The following UCP2 variants were observed in gnomAD, a reference collection of about 807,000 sequenced individuals.
UCP2 encodes the protein dicarboxylate carrier SLC25A8.
Under a neutral mutation model 31.3 loss-of-function variants are expected in UCP2, and 27 were observed. The ratio of observed to expected loss-of-function variants is 0.86; its 90% CI spans 0.64 to 1.19. UCP2 has a LOEUF of 1.19. Ranked by LOEUF, UCP2 falls within the 50% of genes most tolerant of loss-of-function variation. The pLI, the probability that UCP2 is intolerant of heterozygous loss-of-function variation, is 0.00. For missense variants in UCP2, 377 were observed against 413.5 expected (o/e 0.91, Z 0.76); for synonymous variants, 142 against 157.4 (o/e 0.90, Z 0.73).
rs1171418635 is a variant in UCP2, at chr11:73,974,738, T to C, written c.*269A>G. 4.6e-6 allele frequency: 2 copies of C among 432,504 alleles called. No individual in the cohort carries two copies. Among genetic ancestry groups the C allele is most frequent in the African/African-American group, 4.0e-5 (2 of 49,536 alleles). The allele number at this position is 432,504 out of a possible 1,614,324, so 26.8% of individuals were successfully genotyped here. On this transcript the variant is annotated 3_prime_UTR_variant, in exon 8 of 8. Transcript: ENST00000663595. ...GGGCTGTCGGGGGCAGGACGAAGAT[T>C]CTGGCTGAACTTTCCAAGGGACGGG...
At chr11:73,979,217 A>G (rs1382619896) in intron 2 of UCP2, among the ~76,000 whole-genome samples, 4 of 152,180 alleles carry the variant, frequency 2.6e-5, no homozygotes, top group Non-Finnish European at 5.9e-5. Flanking sequence ...GGAACAACTA[A>G]TGCCATTGGG....
In UCP2 at chr11:73,975,103, G is replaced by A. The variant is rs868365219; in HGVS notation, c.834C>T (p.Leu278=). 6.2e-7 allele frequency: 1 copy of A among 1,613,114 alleles called. No homozygotes were observed. The highest frequency in any genetic ancestry group is 1.1e-5 in the South Asian group (1 of 90,912). The change falls in exon 8 of 8, where the codon CTC becomes CTT. Residue 278 remains leucine (L), a synonymous_variant. Coordinates refer to ENST00000663595, the MANE Select transcript of UCP2 (RefSeq NM_003355.3). The stretch of plus-strand genomic sequence containing the variant: ...TCACCACGTTCCAGGAACCCAAGCG[G>A]AGAAAGGAGGGCATGAACCTAGAGG... The part of the protein sequence containing the change: ...AFYKGFMPSF[L]RLGSWNVVMF...
In UCP2 at chr11:73,974,960, C is replaced by A. The variant is rs374099254; in HGVS notation, c.*47G>T. 14 of 1,263,064 alleles carry A rather than the reference C, an allele frequency of 1.1e-5. No individual in the cohort carries two copies. The East Asian group carries it at 3.0e-4, about 27-fold the overall frequency. The allele number at this position is 1,263,064 out of a possible 1,614,324, so 78.2% of individuals were successfully genotyped here. A position where few individuals can be genotyped will look rare whatever the true frequency, so the allele number is the denominator to read the frequency against. On this transcript the variant is annotated 3_prime_UTR_variant, in exon 8 of 8. Coordinates refer to ENST00000663595, the MANE Select transcript of UCP2 (RefSeq NM_003355.3). ...GAAGGAAGAAAAGGAAAGCATGGCCCGGCTAGAGACAAAGCCAGAGGTGAT... is the reference window on the plus strand; with the variant it reads ...GAAGGAAGAAAAGGAAAGCATGGCCAGGCTAGAGACAAAGCCAGAGGTGAT...
At chr11:73,980,776 A>G (rs1951438974) in intron 2 of UCP2, 2 of 152,274 alleles carry the variant, frequency 1.3e-5, no homozygotes, top group Admixed American at 1.3e-4. Flanking sequence ...TCACAAGGAA[A>G]GTTCTCACAG....
chr11:73,976,461 T>C (rs1206066579), intron 6 of UCP2, among the ~76,000 whole-genome samples, 180 bp downstream of exon 6: 2 of 152,218 alleles, frequency 1.3e-5, no homozygotes, highest in Admixed American at 6.5e-5. Context: ...AGTTCCTCAA[T>C]GTGCAAAGTG....
chr11:73,976,558 T>C (rs1219095724), intron 6 of UCP2, 83 bp downstream of exon 6: 3 of 1,067,124 alleles, frequency 2.8e-6, no homozygotes, highest in Non-Finnish European at 2.9e-6. Context: ...AAAGATGTGG[T>C]CTTCTGGTGT....
chr11:73,975,659 C>CA lies in UCP2; in HGVS notation c.646dup (p.Cys216LeufsTer37), dbSNP rs1382219593. On this transcript the variant is annotated frameshift_variant, in exon 7 of 8. Transcript: ENST00000663595. LOFTEE classifies it high-confidence loss of function. ...TGCCCCAAAGGCAGAAGTGAAGTGG[C>CA]AAGGGAGGTCATCTGCCAAGGAGGA... 6.2e-7 allele frequency: 1 copy of CA among 1,613,482 alleles called. No homozygotes were observed. The highest frequency in any genetic ancestry group is 1.7e-5 in the Admixed American group (1 of 60,000).
At chr11:73,975,458 G>C in intron 7 of UCP2, 33 bp downstream of exon 7, 2 of 1,592,716 alleles carry the variant, frequency 1.3e-6, no homozygotes. Flanking sequence ...TAGCCAAGAG[G>C]CCTGAACTGG....
Position 73,974,832 on chromosome 11 carries a change from A to C in UCP2, c.*175T>G. 1 of 392,396 alleles carries C rather than the reference A, an allele frequency of 2.5e-6. No individual in the cohort carries two copies. Among genetic ancestry groups the C allele is most frequent in the East Asian group, 3.9e-5 (1 of 25,406 alleles). The allele number at this position is 392,396 out of a possible 1,614,324, so 24.3% of individuals were successfully genotyped here. ...ATGTCAACTCCACCAGCACTGAGAC[A>C]ATGAGTAGATGAGAATGTAGAAAGA... On this transcript the variant is annotated 3_prime_UTR_variant, in exon 8 of 8. Transcript: ENST00000663595.
Position 73,975,549 on chromosome 11 carries a change from C to A in UCP2, c.757G>T (p.Ala253Ser), listed in dbSNP as rs769876535. The change falls in exon 7 of 8, where the codon GCT (alanine) becomes TCT (serine). Residue 253 changes from alanine to serine, a missense_variant. Coordinates refer to ENST00000663595, the MANE Select transcript of UCP2 (RefSeq NM_003355.3). ...MNSALGQYSS[A>S]GHCALTMLQK... The stretch of plus-strand genomic sequence containing the variant: ...AGCATGGTAAGGGCACAGTGGCCAG[C>A]GCTACTGTACTGGCCCAGGGCAGAG... 5 of 1,613,632 alleles carry A rather than the reference C, an allele frequency of 3.1e-6. No individual in the cohort carries two copies. The Admixed American group carries it at 5.0e-5, about 16-fold the overall frequency.
intron 2 of UCP2, chr11:73,979,885 A>G (rs1379412908): frequency 1.3e-5 from 2 of 151,830 alleles, no homozygotes; most frequent in Admixed American, 6.6e-5. Context: ...TAGCTAGGTG[A>G]TTTTGGGGGC....
At position 73,976,840 on chromosome 11, in the gene UCP2, A is replaced by T. The variant is rs373807178; in HGVS notation, c.515T>A (p.Phe172Tyr). The T allele has an allele frequency of 1.9e-6, 3 of 1,614,220 alleles. No individual in the cohort carries two copies. The highest frequency in any genetic ancestry group is 2.5e-6 in the Non-Finnish European group (3 of 1,180,034). The change falls in exon 5 of 8, where the codon TTC (phenylalanine) becomes TAC (tyrosine). Residue 172 changes from phenylalanine (F) to tyrosine (Y), a missense_variant. By Grantham distance (22) the Phe-to-Tyr change is conservative (BLOSUM62 3). Coordinates refer to ENST00000663595, the MANE Select transcript of UCP2 (RefSeq NM_003355.3). ...AYKTIAREEG[F>Y]RGLWKGTSPN... ...GTACACACCTTTCCAGAGGCCCCGG[A>T]ACCCTTCCTCTCGGGCAATGGTCTT...
chr11:73,975,749 A>G, intron 6 of UCP2, 78 bp from the exon 7 acceptor site: 1 of 1,550,038 alleles, frequency 6.5e-7, no homozygotes, highest in East Asian at 2.2e-5. Flanking sequence ...TTAAGTAGCT[A>G]CGAGTTTTCA....
rs888883139 is a variant in UCP2 at position 73,978,458 on chromosome 11, T to C, written c.-80A>G. ...ACCTTTAATCAGCAACAAGACGAGA[T>C]AGAGGAACTCTGCCGGAATCTAAGC... On this transcript the variant is annotated 5_prime_UTR_variant, in exon 3 of 8. Transcript: ENST00000663595. The C allele has an allele frequency of 2.1e-5, 33 of 1,591,508 alleles. No homozygotes were observed. The highest frequency in any genetic ancestry group is 1.9e-4 in the Middle Eastern group (1 of 5,158).
rs926028578 is a variant in UCP2 at position 73,978,058 on chromosome 11, G to C, written c.165C>G (p.Ala55=). 5 of 1,614,168 alleles carry C rather than the reference G, an allele frequency of 3.1e-6. No individual in the cohort carries two copies. Among genetic ancestry groups the C allele is most frequent in the Admixed American group, 1.7e-5 (1 of 60,018 alleles). ...GESQGPVRAT[A]SAQYRGVMGT... ...CCATCACACCGCGGTACTGGGCGCT[G>C]GCTGTAGCGCGCACTGGCCCCTGAC... The change falls in exon 4 of 8, where the codon GCC becomes GCG. Residue 55 remains alanine, a synonymous_variant. Transcript: ENST00000663595.
chr11:73,975,716 A>G, intron 6 of UCP2, 45 bp from the exon 7 acceptor site: 1 of 1,609,264 alleles, frequency 6.2e-7, no homozygotes, highest in Non-Finnish European at 8.5e-7. Context: ...TTCACCCATC[A>G]TTCCAGAAGG....
chr11:73,977,788 G>A, intron 4 of UCP2, 98 bp downstream of exon 4: 1 of 1,507,120 alleles, frequency 6.6e-7, no homozygotes, highest in South Asian at 1.2e-5. Context: ...TCTTCCTAGG[G>A]ATCGTGGGGC....
intron 1 of UCP2, among the ~76,000 whole-genome samples, chr11:73,982,015 G>A (rs1951464690): frequency 1.3e-5 from 2 of 152,144 alleles, no homozygotes; most frequent in Non-Finnish European, 2.9e-5. Context: ...GCTGGGAGCC[G>A]GCCCTGCAGA....
At chr11:73,979,408 G>A (rs1454798987) in intron 2 of UCP2, among the ~76,000 whole-genome samples, 1 of 152,210 alleles carries the variant, frequency 6.6e-6, no homozygotes, top group African/African-American at 2.4e-5. Flanking sequence ...TGAGCTGGGT[G>A]TGTTGGCACA....
Sources: allele counts gnomAD v4.1 joint callset (sites outside exome capture counted in the v4.1 genomes callset), GRCh38; gene constraint gnomAD v4.1.1; transcripts MANE v1.5; gene names NCBI Gene and HGNC (gene_info 2026-07-23, HGNC 2026-07-21).